Variants in PCDHA3 observed in about 807,000 individuals in gnomAD.
PCDHA3 encodes the protein protocadherin alpha 3.
PCDHA3 carries 41 observed loss-of-function variants against 62.2 expected under a neutral mutation model. That is an observed-to-expected ratio of 0.66 (90% CI 0.51 to 0.86). PCDHA3 has a LOEUF of 0.86. PCDHA3 is among the 40% of genes least tolerant of loss of function. The pLI is 0.00. For missense variants in PCDHA3, 1,304 were observed against 1,241.2 expected (o/e 1.05, Z -0.76); for synonymous variants, 640 against 555.4 (o/e 1.15, Z -2.14).
At chr5:140,840,559 A>G (rs1776766288) in intron 1 of PCDHA3, among the ~76,000 whole-genome samples, 1 of 152,098 alleles carries the variant, frequency 6.6e-6, no homozygotes, top group Non-Finnish European at 1.5e-5. Flanking sequence ...CAATACTGCT[A>G]GAGTTTGGCA....
intron 1 of PCDHA3, chr5:140,870,210 C>T (rs1430379869): frequency 6.2e-7 from 1 of 1,614,058 alleles, no homozygotes; most frequent in African/African-American, 1.3e-5. Context: ...CGGTCATTGC[C>T]CTGATCAGCG....
intron 1 of PCDHA3, chr5:140,884,779 G>C: frequency 1.4e-6 from 2 of 1,404,226 alleles, no homozygotes; most frequent in Non-Finnish European, 1.9e-6. Context: ...TTTTAATTTT[G>C]CTAGTTGTTA....
chr5:140,815,972 C>A (rs2126668419), intron 1 of PCDHA3: 1 of 152,124 alleles, frequency 6.6e-6, no homozygotes, highest in Non-Finnish European at 1.5e-5. Context: ...TTCTTTTGTA[C>A]GTGATGAGGC....
chr5:140,971,787 A>G (rs1554233619), intron 1 of PCDHA3, among the ~76,000 whole-genome samples: 5 of 152,124 alleles, frequency 3.3e-5, no homozygotes, highest in Admixed American at 1.3e-4. Context: ...AGATTATTCA[A>G]TATATTGAAT....
chr5:140,806,502 G>A lies in PCDHA3; in HGVS notation c.2394+2911G>A, dbSNP rs116553144. 5.5e-3 allele frequency among the ~76,000 whole-genome samples: 845 copies of A among 152,278 alleles called. 7 individuals carry two copies. The highest frequency in any genetic ancestry group is 0.02 in the African/African-American group (812 of 41,560). On this transcript the variant is annotated intron_variant, in intron 1 of 3. Transcript: ENST00000522353. ...TTCAGCCCTGACATGACTCAAGGAA[G>A]ACATCTAATTAAATGCTGATGGTCT...
chr5:140,821,706 TG>T, intron 1 of PCDHA3: 2 of 1,441,006 alleles, frequency 1.4e-6, no homozygotes, highest in Non-Finnish European at 1.9e-6. Flanking sequence ...TATAGTTAAT[TG>T]GGAATTGAAT....
chr5:140,973,825 T>A (rs1253333011), intron 1 of PCDHA3, among the ~76,000 whole-genome samples: 5 of 152,246 alleles, frequency 3.3e-5, no homozygotes, highest in Non-Finnish European at 5.9e-5. Context: ...AAGTCAGTTC[T>A]GGGTACTTGC....
chr5:140,922,074 CA>C (rs1554200639), intron 1 of PCDHA3, among the ~76,000 whole-genome samples: 1 of 151,892 alleles, frequency 6.6e-6, no homozygotes, highest in Non-Finnish European at 1.5e-5. Flanking sequence ...TCCCACTAAG[CA>C]AAAAGTGGTA....
chr5:140,959,320 A>C (rs2095480939), intron 1 of PCDHA3, among the ~76,000 whole-genome samples: 1 of 152,108 alleles, frequency 6.6e-6, no homozygotes, highest in Non-Finnish European at 1.5e-5. Context: ...AGCTGCAATA[A>C]GTTTTGATTA....
chr5:140,968,080 G>A (rs782815703), intron 1 of PCDHA3: 14 of 1,614,102 alleles, frequency 8.7e-6, no homozygotes, highest in Middle Eastern at 1.7e-4. Context: ...ACAACATCAC[G>A]GTGACAGCCA....
At chr5:140,839,689 T>C (rs1776365065) in intron 1 of PCDHA3, among the ~76,000 whole-genome samples, 1 of 152,086 alleles carries the variant, frequency 6.6e-6, no homozygotes, top group East Asian at 1.9e-4. Context: ...GAGATTTTTT[T>C]GGGTAAATAA....
At position 140,801,920 on chromosome 5, in the gene PCDHA3, G is replaced by C. The variant is rs562105499; in HGVS notation, c.723G>C (p.Ala241=). ...TAGATGTAAACGACAACGCCCCAGCGTTTGAGAGGACGATCTATAAAGTCA... is the reference window on the plus strand; with the variant it reads ...TAGATGTAAACGACAACGCCCCAGCCTTTGAGAGGACGATCTATAAAGTCA... ...TVLDVNDNAP[A]FERTIYKVRL... is the part of the protein sequence containing the mutation. Residue 241 remains alanine, a synonymous_variant, in exon 1 of 4, where the codon GCG becomes GCC. Coordinates refer to ENST00000522353, the MANE Select transcript of PCDHA3 (RefSeq NM_018906.3). The C allele has an allele frequency of 6.2e-7, 1 of 1,614,182 alleles. No homozygotes were observed. The highest frequency in any genetic ancestry group is 1.7e-5 in the Admixed American group (1 of 60,032).
intron 1 of PCDHA3, among the ~76,000 whole-genome samples, chr5:140,939,691 G>A (rs782722243): frequency 3.5e-4 from 53 of 152,250 alleles, no homozygotes; most frequent in African/African-American, 1.2e-3. Context: ...TGTGTTGCTG[G>A]ACATTATCAT....
intron 1 of PCDHA3, among the ~76,000 whole-genome samples, chr5:140,959,564 G>T (rs1440482785): frequency 6.6e-6 from 1 of 152,072 alleles, no homozygotes; most frequent in Non-Finnish European, 1.5e-5. Flanking sequence ...ATCAGTACTA[G>T]ATTTTTTGTT....
chr5:140,936,798 T>C (rs2091152803), intron 1 of PCDHA3, among the ~76,000 whole-genome samples: 1 of 152,240 alleles, frequency 6.6e-6, no homozygotes, highest in Admixed American at 6.5e-5. Context: ...TGCTTCAAGA[T>C]TAACTTAGCT....
At chr5:140,838,280 A>ATTTTTTT (rs2150286950) in intron 1 of PCDHA3, among the ~76,000 whole-genome samples, 30 of 139,570 alleles carry the variant, frequency 2.1e-4, no homozygotes, top group African/African-American at 6.5e-4. Context: ...AGCCATGCTA[A>ATTTTTTT]TTTTTTTTTT....
intron 1 of PCDHA3, chr5:140,857,788 GCTGCGGTCGGTGGTTGCGGGT>G: frequency 6.3e-7 from 1 of 1,597,732 alleles, no homozygotes; most frequent in South Asian, 1.1e-5. Flanking sequence ...GTGAGCTGGT[GCTGCGGTCGGTGGTTGCGGGT>G]CACGTGGTGG....
chr5:140,885,603 T>G (rs2060651521), intron 1 of PCDHA3, among the ~76,000 whole-genome samples: 1 of 152,202 alleles, frequency 6.6e-6, no homozygotes, highest in South Asian at 2.1e-4. Context: ...ATATTAATAA[T>G]TTTAATTATA....
intron 1 of PCDHA3, chr5:140,877,279 T>G (rs782432213): frequency 1.2e-6 from 2 of 1,613,820 alleles, no homozygotes; most frequent in Non-Finnish European, 1.7e-6. Flanking sequence ...TGACTCCGGC[T>G]ATAACGCTTG....
Sources: allele counts gnomAD v4.1 joint callset (sites outside exome capture counted in the v4.1 genomes callset), GRCh38; gene constraint gnomAD v4.1.1; transcripts MANE v1.5; gene names NCBI Gene and HGNC (gene_info 2026-07-23, HGNC 2026-07-21).